AMD1: variants seen among roughly 807,000 people sequenced by gnomAD.
AMD1 encodes the protein S-adenosylmethionine decarboxylase proenzyme.
In AMD1, 11 loss-of-function variants were observed where a neutral mutation model predicts 40.2. The ratio of observed to expected loss-of-function variants is 0.27; its 90% CI spans 0.17 to 0.45. The LOEUF (loss-of-function observed/expected upper bound fraction) is 0.45. Among genes scored for constraint, AMD1 ranks in the 20% least tolerant of loss-of-function variants. The pLI is 1.00. For synonymous variants in AMD1, 121 were observed against 130.8 expected, an observed-to-expected ratio of 0.93 and a Z score of 0.51; for missense variants, 257 against 410.2, an observed-to-expected ratio of 0.63 and a Z score of 3.23.
upstream of AMD1, among the ~76,000 whole-genome samples, chr6:110,871,445 A>AT (rs1457388573): frequency 2.0e-5 from 3 of 152,182 alleles, no homozygotes; most frequent in African/African-American, 7.2e-5. Flanking sequence ...GAGAGAACAA[A>AT]TTCTTGAAAT....
intron 1 of AMD1, among the ~76,000 whole-genome samples, chr6:110,885,917 C>T (rs1785654782): frequency 6.6e-6 from 1 of 152,178 alleles, no homozygotes; most frequent in African/African-American, 2.4e-5. Context: ...CGAATAAAAA[C>T]ATTTTGCTGT....
the AMD1 span, among the ~76,000 whole-genome samples, chr6:110,854,421 G>A: frequency 1.3e-5 from 2 of 151,952 alleles, no homozygotes; most frequent in East Asian, 3.8e-4. Flanking sequence ...TGAGTACAAA[G>A]GATAAAAGAA....
chr6:110,868,121 G>A, the AMD1 span, among the ~76,000 whole-genome samples: 3 of 151,818 alleles, frequency 2.0e-5, no homozygotes, highest in African/African-American at 7.3e-5. Flanking sequence ...CACCACACCT[G>A]GCCTGTATTT....
At chr6:110,821,900 C>A in the AMD1 span, among the ~76,000 whole-genome samples, 2 of 152,090 alleles carry the variant, frequency 1.3e-5, no homozygotes, top group Non-Finnish European at 2.9e-5. Flanking sequence ...TAACATCATA[C>A]CTCCAGGAAA....
At chr6:110,875,600 C>A (rs1444440518) in intron 1 of AMD1, 2 of 168,370 alleles carry the variant, frequency 1.2e-5, no homozygotes, top group African/African-American at 4.8e-5. Context: ...GTCGGGGGCG[C>A]CTGCGCGGGT....
chr6:110,828,843 A>C, the AMD1 span, among the ~76,000 whole-genome samples: 1 of 152,026 alleles, frequency 6.6e-6, no homozygotes, highest in Non-Finnish European at 1.5e-5. Context: ...CCTCCCCTCA[A>C]CTAGGTTGGG....
the AMD1 span, among the ~76,000 whole-genome samples, chr6:110,853,868 T>C: frequency 2.0e-5 from 3 of 152,248 alleles, no homozygotes; most frequent in African/African-American, 7.2e-5. Context: ...CATTATATTG[T>C]GGAATGGCTG....
intron 3 of AMD1, 73 bp downstream of exon 3, chr6:110,889,056 ATAAATT>A (rs769987168): frequency 1.8e-4 from 273 of 1,539,566 alleles, no homozygotes; most frequent in Non-Finnish European, 2.2e-4. Flanking sequence ...TGCGAAGTAA[ATAAATT>A]TATATACTTA....
At chr6:110,863,449 A>C in the AMD1 span, among the ~76,000 whole-genome samples, 2 of 149,606 alleles carry the variant, frequency 1.3e-5, no homozygotes, top group Non-Finnish European at 3.0e-5. Flanking sequence ...AGCTCATTAC[A>C]ACCTCCACCT....
chr6:110,815,122 G>A, the AMD1 span: 2 of 1,601,102 alleles, frequency 1.2e-6, no homozygotes. Flanking sequence ...GCTTCGCCTT[G>A]AAATCATAAT....
chr6:110,892,544 TTTGTTACATAGGTAAAC>T, intron 6 of AMD1, 101 bp downstream of exon 6: 1 of 1,522,058 alleles, frequency 6.6e-7, no homozygotes, highest in Non-Finnish European at 9.0e-7. Flanking sequence ...CAAGTGCTAG[TTTGTTACATAGGTAAAC>T]TTGTGTCATG....
intron 1 of AMD1, among the ~76,000 whole-genome samples, chr6:110,880,271 G>T (rs1279597): frequency 6.6e-6 from 1 of 152,064 alleles, no homozygotes. Flanking sequence ...TGTGTCTTTT[G>T]CTTTGGATAT....
At chr6:110,851,627 T>A in the AMD1 span, among the ~76,000 whole-genome samples, 1 of 152,112 alleles carries the variant, frequency 6.6e-6, no homozygotes, top group African/African-American at 2.4e-5. Context: ...CATGCCCAGC[T>A]AATTTTATAT....
the AMD1 span, among the ~76,000 whole-genome samples, chr6:110,857,129 C>A: frequency 7.3e-4 from 111 of 152,062 alleles, 4 homozygotes; most frequent in South Asian, 0.023. Flanking sequence ...GTTGCCACTG[C>A]ACTTCAGCCT....
chr6:110,829,556 C>A, the AMD1 span, among the ~76,000 whole-genome samples: 2 of 151,926 alleles, frequency 1.3e-5, no homozygotes, highest in Admixed American at 6.6e-5. Context: ...GTAGTCCCAG[C>A]TACTCGGGAG....
the AMD1 span, among the ~76,000 whole-genome samples, chr6:110,835,554 T>C: frequency 6.6e-6 from 1 of 152,110 alleles, no homozygotes; most frequent in African/African-American, 2.4e-5. Flanking sequence ...ATCTTCCAAA[T>C]CTTGGCAAAT....
the AMD1 span, among the ~76,000 whole-genome samples, chr6:110,855,089 T>TGTTTTTTTTTTG: frequency 6.8e-6 from 1 of 146,896 alleles, no homozygotes; most frequent in East Asian, 2.0e-4. Context: ...TTTTTTTTTT[T>TGTTTTTTTTTTG]GAGAGAATTG....
chr6:110,887,572 C>T lies in AMD1; in HGVS notation c.178C>T (p.Gln60Ter). 6.2e-7 allele frequency: 1 copy of T among 1,607,748 alleles called. No homozygotes were observed. Among genetic ancestry groups the T allele is most frequent in the Non-Finnish European group, 8.5e-7 (1 of 1,177,518 alleles). The change falls in exon 2 of 9, where the codon CAG becomes TAG. Residue 60 changes from glutamine (Q) to a stop codon, truncating the protein, a stop_gained. Transcript: ENST00000368885. LOFTEE classifies it high-confidence loss of function. ...CATAAGTGTGACAAAAACTGACAAG[C>T]AGGAAGCTTATGTACTCAGGTAAGT... ...SIISVTKTDK[Q>*]EAYVLSESSM...
the AMD1 span, among the ~76,000 whole-genome samples, chr6:110,840,403 G>A: frequency 4.6e-5 from 7 of 152,032 alleles, no homozygotes; most frequent in Non-Finnish European, 1.0e-4. Context: ...TGATCGACTG[G>A]CTTCAAGGTG....
Sources: allele counts gnomAD v4.1 joint callset (sites outside exome capture counted in the v4.1 genomes callset), GRCh38; gene constraint gnomAD v4.1.1; transcripts MANE v1.5; gene names NCBI Gene and HGNC (gene_info 2026-07-23, HGNC 2026-07-21).